SPTLC3: variants seen among roughly 807,000 people sequenced by gnomAD.
SPTLC3 encodes the protein serine palmitoyltransferase 3.
Under a neutral mutation model 59.3 loss-of-function variants are expected in SPTLC3, and 36 were observed. That is an observed-to-expected ratio of 0.61 (90% CI 0.47 to 0.80). The LOEUF (loss-of-function observed/expected upper bound fraction) is 0.80, where lower values mean the gene tolerates loss of function less well. Ranked by LOEUF, SPTLC3 falls within the 30% of genes least tolerant of loss-of-function variation. The pLI, the probability that SPTLC3 is intolerant of heterozygous loss-of-function variation, is 0.00. For synonymous variants in SPTLC3, 257 were observed against 240.8 expected, an observed-to-expected ratio of 1.07 and a Z score of -0.62; for missense variants, 625 against 685.1, an observed-to-expected ratio of 0.91 and a Z score of 0.98.
chr20:13,057,947 A>G (rs1600238273), intron 2 of SPTLC3, among the ~76,000 whole-genome samples: 3 of 152,240 alleles, frequency 2.0e-5, no homozygotes, highest in South Asian at 2.1e-4. Context: ...AGTGCAGCCA[A>G]TTCTACAGGT....
intron 9 of SPTLC3, among the ~76,000 whole-genome samples, chr20:13,129,310 T>C (rs1430316329): frequency 2.0e-5 from 3 of 152,152 alleles, no homozygotes; most frequent in African/African-American, 7.2e-5. Context: ...CTTAAACAGG[T>C]ATCTTTTAAC....
intron 6 of SPTLC3, among the ~76,000 whole-genome samples, chr20:13,101,594 C>A (rs1302394750): frequency 6.6e-6 from 1 of 152,232 alleles, no homozygotes; most frequent in Non-Finnish European, 1.5e-5. Context: ...CCAGCCATTT[C>A]ACGGCCTCAG....
chr20:13,095,687 C>A (rs918848268), intron 6 of SPTLC3, among the ~76,000 whole-genome samples: 1 of 152,092 alleles, frequency 6.6e-6, no homozygotes. Flanking sequence ...ATAATGTATA[C>A]TGAGAGATAT....
intron 2 of SPTLC3, among the ~76,000 whole-genome samples, chr20:13,071,018 G>A (rs1033122593): frequency 6.6e-6 from 1 of 152,086 alleles, no homozygotes; most frequent in Non-Finnish European, 1.5e-5. Flanking sequence ...CTCCAACAAG[G>A]TAGGACTCTC....
intron 10 of SPTLC3, among the ~76,000 whole-genome samples, chr20:13,159,284 G>A (rs113390984): frequency 1.3e-5 from 2 of 152,184 alleles, no homozygotes; most frequent in African/African-American, 2.4e-5. Flanking sequence ...GGTTCTCTGC[G>A]TGAACACTTC....
At chr20:13,030,816 T>G (rs191183305) in intron 1 of SPTLC3, among the ~76,000 whole-genome samples, 32 of 152,248 alleles carry the variant, frequency 2.1e-4, no homozygotes, top group South Asian at 2.1e-4. Context: ...CCTGGTAAAC[T>G]CCTACTGATT....
At chr20:13,055,649 C>T (rs749912848) in intron 2 of SPTLC3, among the ~76,000 whole-genome samples, 1 of 152,120 alleles carries the variant, frequency 6.6e-6, no homozygotes, top group Non-Finnish European at 1.5e-5. Flanking sequence ...TCTTGTTTAT[C>T]TAAAGCAATT....
chr20:13,112,783 A>G lies in SPTLC3; in HGVS notation c.932+2566A>G, dbSNP rs141193746. 3.6e-4 allele frequency among the ~76,000 whole-genome samples: 55 copies of G among 152,294 alleles called. No homozygotes were observed. In the East Asian group the frequency reaches 9.8e-3, roughly 27 times the overall value. ...GCCTCAATCGCTCTTGGGGGCTTCA[A>G]TTTCCTCATCTGTAAAATAAAGATA... On this transcript the variant is annotated intron_variant, in intron 7 of 11. Coordinates refer to ENST00000399002, the MANE Select transcript of SPTLC3 (RefSeq NM_018327.4).
At chr20:13,079,154 C>T (rs975287852) in intron 4 of SPTLC3, among the ~76,000 whole-genome samples, 1 of 152,084 alleles carries the variant, frequency 6.6e-6, no homozygotes, top group Non-Finnish European at 1.5e-5. Flanking sequence ...GATACCATAT[C>T]CTTGAAGGGG....
intron 9 of SPTLC3, among the ~76,000 whole-genome samples, chr20:13,149,820 G>A (rs1049563765): frequency 6.6e-5 from 10 of 152,302 alleles, no homozygotes; most frequent in Non-Finnish European, 1.3e-4. Flanking sequence ...AGGGACAGCC[G>A]GGGCCAATTA....
At chr20:13,149,404 T>A (rs1349743756) in intron 9 of SPTLC3, among the ~76,000 whole-genome samples, 1 of 152,216 alleles carries the variant, frequency 6.6e-6, no homozygotes, top group African/African-American at 2.4e-5. Flanking sequence ...CCCAACATAA[T>A]TAATAAAATC....
Position 13,009,044 on chromosome 20 carries a change from C to T in SPTLC3, c.-224C>T, listed in dbSNP as rs1042291130. 3 of 436,374 alleles carry T rather than the reference C, an allele frequency of 6.9e-6. No individual in the cohort carries two copies. The highest frequency in any genetic ancestry group is 1.2e-5 in the Non-Finnish European group (3 of 243,806). The allele number at this position is 436,374 out of a possible 1,614,324, so 27.0% of individuals were successfully genotyped here. ...AGCAGGTTTGTTGCCATGGAGTTCA[C>T]ATTTTGACGGGAGTTGAGAAGTATA... On this transcript the variant is annotated 5_prime_UTR_variant, in exon 1 of 12. Transcript: ENST00000399002.
chr20:13,145,212 C>A (rs1201730896), intron 9 of SPTLC3, among the ~76,000 whole-genome samples: 3 of 152,258 alleles, frequency 2.0e-5, no homozygotes, highest in South Asian at 4.1e-4. Context: ...TCTCTGCAGA[C>A]AACATGATTA....
chr20:13,155,656 G>C (rs11908677), intron 10 of SPTLC3, among the ~76,000 whole-genome samples: 8,589 of 151,898 alleles, frequency 0.057, 280 homozygotes, highest in African/African-American at 0.087. Flanking sequence ...GAAACCCCGT[G>C]TCTACAAAAA....
intron 1 of SPTLC3, among the ~76,000 whole-genome samples, chr20:13,041,204 CAT>C (rs1986966274): frequency 1.3e-5 from 2 of 152,014 alleles, no homozygotes; most frequent in African/African-American, 4.8e-5. Flanking sequence ...TTCTAACACT[CAT>C]ATTGTGTATA....
chr20:13,148,883 C>G (rs1251724320), intron 9 of SPTLC3, among the ~76,000 whole-genome samples: 1 of 152,332 alleles, frequency 6.6e-6, no homozygotes, highest in East Asian at 1.9e-4. Context: ...GGCAATTCCC[C>G]TTTCAACGAC....
chr20:13,017,104 G>A lies in SPTLC3; in HGVS notation c.117+7720G>A, dbSNP rs998447499. 3.3e-5 allele frequency among the ~76,000 whole-genome samples: 5 copies of A among 152,296 alleles called. No individual in the cohort carries two copies. In the East Asian group the frequency reaches 9.6e-4, roughly 29 times the overall value. On this transcript the variant is annotated intron_variant, in intron 1 of 11. Coordinates refer to ENST00000399002, the MANE Select transcript of SPTLC3 (RefSeq NM_018327.4). ...CATGGGATTCATACCCACTTCCAGA[G>A]AGAAGGGGCCAGCAGACACAGCCTT...
chr20:13,107,965 G>A (rs907317995), intron 6 of SPTLC3, among the ~76,000 whole-genome samples: 5 of 151,806 alleles, frequency 3.3e-5, no homozygotes, highest in African/African-American at 7.3e-5. Context: ...TCTTAAGGAT[G>A]TTAAAGGAAG....
At chr20:13,028,396 T>C (rs1389884590) in intron 1 of SPTLC3, among the ~76,000 whole-genome samples, 1 of 152,106 alleles carries the variant, frequency 6.6e-6, no homozygotes, top group Non-Finnish European at 1.5e-5. Flanking sequence ...GTGAATTATA[T>C]TGTACCAAAG....
Sources: gnomAD v4.1 joint callset for allele counts (sites outside exome capture counted in the v4.1 genomes callset) on GRCh38, gnomAD v4.1.1 for gene constraint, MANE v1.5 for transcripts, NCBI Gene and HGNC (gene_info 2026-07-23, HGNC 2026-07-21) for gene names.